Variants in CDH13 observed in about 807,000 individuals in gnomAD.
CDH13 encodes cadherin-13.
In CDH13, 24 loss-of-function variants were observed where a neutral mutation model predicts 63.8. The ratio of observed to expected loss-of-function variants is 0.38; its 90% CI spans 0.27 to 0.53. CDH13 has a LOEUF of 0.53. Among genes scored for constraint, CDH13 ranks in the 20% least tolerant of loss-of-function variants. The probability of loss-of-function intolerance (pLI) is 0.85; values close to 1 mark genes in which losing one functional copy is unlikely to be tolerated. For missense variants in CDH13, 1,049 were observed against 903.1 expected (o/e 1.16, Z -2.07); for synonymous variants, 503 against 355.3 (o/e 1.42, Z -4.67).
intron 5 of CDH13, among the ~76,000 whole-genome samples, chr16:83,259,241 A>C (rs1317726710): frequency 6.6e-6 from 1 of 152,142 alleles, no homozygotes; most frequent in Non-Finnish European, 1.5e-5. Context: ...TCAGTTTCTC[A>C]TCTGTGAAGT....
At chr16:83,773,939 C>T (rs778373756) in intron 11 of CDH13, among the ~76,000 whole-genome samples, 3 of 152,172 alleles carry the variant, frequency 2.0e-5, no homozygotes, top group Non-Finnish European at 4.4e-5. Flanking sequence ...TATCCCTCCC[C>T]CTTCCCTGCC....
At chr16:82,686,494 A>C (rs1179304733) in intron 1 of CDH13, among the ~76,000 whole-genome samples, 1 of 152,176 alleles carries the variant, frequency 6.6e-6, no homozygotes, top group East Asian at 1.9e-4. Context: ...GGCTTTTCCC[A>C]GAGGCAGCAG....
At position 83,085,988 on chromosome 16, in the gene CDH13, A is replaced by G. The variant is rs529061952; in HGVS notation, c.367-39397A>G. Among the ~76,000 whole-genome samples the G allele has an allele frequency of 8.6e-4, 131 of 152,314 alleles. 1 individual carries two copies. The highest frequency in any genetic ancestry group is 2.8e-3 in the African/African-American group (117 of 41,558). ...ATCCTTTGCTGAGAGAGTTAAACGT[A>G]TTTGTCTCAAATCAGCACAGCCTTC... On this transcript the variant is annotated intron_variant, in intron 3 of 13. Transcript: ENST00000567109.
intron 3 of CDH13, among the ~76,000 whole-genome samples, chr16:83,058,625 A>G (rs4783318): frequency 0.11 from 16,832 of 152,248 alleles, 1,190 homozygotes; most frequent in African/African-American, 0.19. Context: ...GGAAGAAAAC[A>G]TTAATGATGT....
chr16:82,671,850 G>A (rs1597279135), intron 1 of CDH13, among the ~76,000 whole-genome samples: 2 of 152,174 alleles, frequency 1.3e-5, no homozygotes, highest in East Asian at 3.8e-4. Flanking sequence ...GGGCAGATAT[G>A]TCCAAGAATA....
intron 2 of CDH13, among the ~76,000 whole-genome samples, chr16:82,932,290 C>T (rs1294183038): frequency 6.6e-6 from 1 of 152,108 alleles, no homozygotes; most frequent in African/African-American, 2.4e-5. Flanking sequence ...TGTAGCTGGG[C>T]ACCTTATTAT....
intron 2 of CDH13, among the ~76,000 whole-genome samples, chr16:82,914,017 G>A (rs1334229612): frequency 6.6e-6 from 1 of 151,658 alleles, no homozygotes; most frequent in African/African-American, 2.4e-5. Context: ...AGAGAAGAAA[G>A]GTATTGCTGT....
Position 83,240,015 on chromosome 16 carries a change from A to G in CDH13, c.636+22518A>G, listed in dbSNP as rs149140245. Among the ~76,000 whole-genome samples, 127 of 152,320 alleles carry G rather than the reference A, an allele frequency of 8.3e-4. 1 individual carries two copies. The East Asian group carries it at 0.023, about 27-fold the overall frequency. ...AATATCTGTAAAGAGAGAAAGCCCC[A>G]CAGGTGTACAGCCAGCAAGATGGTG... On this transcript the variant is annotated intron_variant, in intron 5 of 13. Coordinates refer to ENST00000567109, the MANE Select transcript of CDH13 (RefSeq NM_001257.5).
intron 7 of CDH13, among the ~76,000 whole-genome samples, chr16:83,545,599 A>C (rs185400690): frequency 6.6e-6 from 1 of 152,266 alleles, no homozygotes; most frequent in Non-Finnish European, 1.5e-5. Flanking sequence ...TGATGGAATT[A>C]AAGTCCTTCT....
intron 1 of CDH13, among the ~76,000 whole-genome samples, chr16:82,802,108 A>G (rs1450028275): frequency 3.3e-5 from 4 of 121,286 alleles, no homozygotes; most frequent in African/African-American, 8.4e-5. Context: ...TTTATCTATC[A>G]TCTCCCTCTC....
At chr16:83,229,483 A>T (rs1043655306) in intron 5 of CDH13, among the ~76,000 whole-genome samples, 29 of 151,888 alleles carry the variant, frequency 1.9e-4, no homozygotes, top group Admixed American at 1.5e-3. Flanking sequence ...TTAAAATTTT[A>T]AATTTTGAGG....
At chr16:83,215,073 C>T (rs1476010613) in intron 4 of CDH13, among the ~76,000 whole-genome samples, 67 of 56,212 alleles carry the variant, frequency 1.2e-3, no homozygotes, top group South Asian at 3.2e-3. Flanking sequence ...TCAAACACCT[C>T]TTTTTTTTTT....
chr16:82,650,206 T>C (rs1910566004), intron 1 of CDH13, among the ~76,000 whole-genome samples: 1 of 152,204 alleles, frequency 6.6e-6, no homozygotes, highest in African/African-American at 2.4e-5. Context: ...CTTCAGCAAT[T>C]GTAATAAATG....
chr16:83,385,984 C>G (rs2840084), intron 6 of CDH13, among the ~76,000 whole-genome samples: 1 of 152,184 alleles, frequency 6.6e-6, no homozygotes, highest in Non-Finnish European at 1.5e-5. Flanking sequence ...GCCCTATATT[C>G]TAGAACCAGC....
intron 3 of CDH13, among the ~76,000 whole-genome samples, chr16:83,073,345 G>GTC (rs2032584370): frequency 1.5e-5 from 2 of 134,454 alleles, no homozygotes; most frequent in African/African-American, 6.2e-5. Context: ...GTGTGTGTGT[G>GTC]TGTGTGTGTG....
intron 4 of CDH13, among the ~76,000 whole-genome samples, chr16:83,165,439 A>G (rs1227683777): frequency 6.6e-6 from 1 of 152,128 alleles, no homozygotes; most frequent in East Asian, 1.9e-4. Context: ...CCTTTTTATT[A>G]TGCAAAACCT....
chr16:82,641,661 G>T (rs1231349175), intron 1 of CDH13, among the ~76,000 whole-genome samples: 1 of 152,218 alleles, frequency 6.6e-6, no homozygotes, highest in African/African-American at 2.4e-5. Flanking sequence ...TTAGGGACAG[G>T]AGATGGGAGA....
chr16:82,715,020 C>A (rs1051975327), intron 1 of CDH13, among the ~76,000 whole-genome samples: 4 of 142,316 alleles, frequency 2.8e-5, no homozygotes, highest in African/African-American at 7.7e-5. Flanking sequence ...AATACAAAGT[C>A]CCAAACTCTT....
At chr16:83,655,788 A>G (rs1912816278) in intron 8 of CDH13, among the ~76,000 whole-genome samples, 1 of 152,220 alleles carries the variant, frequency 6.6e-6, no homozygotes, top group African/African-American at 2.4e-5. Context: ...CATTGAATCA[A>G]TGAATCATGT....
Sources: gnomAD v4.1 joint callset for allele counts (sites outside exome capture counted in the v4.1 genomes callset) on GRCh38, gnomAD v4.1.1 for gene constraint, MANE v1.5 for transcripts, NCBI Gene and HGNC (gene_info 2026-07-23, HGNC 2026-07-21) for gene names.